CD2BP2: variants seen among roughly 807,000 people sequenced by gnomAD.
The protein encoded by CD2BP2 is CD2 cytoplasmic tail binding protein 2.
Under a neutral mutation model 35.9 loss-of-function variants are expected in CD2BP2, and 27 were observed. The ratio of observed to expected loss-of-function variants is 0.75; its 90% confidence interval spans 0.55 to 1.04. The LOEUF (loss-of-function observed/expected upper bound fraction) is 1.04. Ranked by LOEUF, CD2BP2 falls within the 50% of genes least tolerant of loss-of-function variation. The pLI is 0.00. For synonymous variants in CD2BP2, 213 were observed against 173.5 expected, an observed-to-expected ratio of 1.23 and a Z score of -1.79; for missense variants, 497 against 444.3, an observed-to-expected ratio of 1.12 and a Z score of -1.07.
Position 30,354,000 on chromosome 16 carries a change from C to T in CD2BP2, c.276G>A (p.Leu92=). The change falls in exon 4 of 7, where the codon CTG becomes CTA. Residue 92 remains leucine, a synonymous_variant. Coordinates refer to ENST00000305596, the MANE Select transcript of CD2BP2 (RefSeq NM_006110.3). ...EGGVRITPFN[L]QEEMEEGHFD... The stretch of plus-strand genomic sequence containing the variant: ...AGTGGCCTTCCTCCATCTCCTCCTG[C>T]AGGTTAAAGGGTGTGATCCGAACAC... 6.2e-7 allele frequency: 1 copy of T among 1,614,194 alleles called. No individual in the cohort carries two copies. Among genetic ancestry groups the T allele is most frequent in the Non-Finnish European group, 8.5e-7 (1 of 1,180,030 alleles).
Position 30,354,193 on chromosome 16 carries a change from C to T in CD2BP2, c.208G>A (p.Asp70Asn), listed in dbSNP as rs368576078. ...CTTGGGTACAGCTTACCTTCTACATCCTCTGAGGCCAAGATGTCATATTTG... is the reference window on the plus strand; with the variant it reads ...CTTGGGTACAGCTTACCTTCTACATTCTCTGAGGCCAAGATGTCATATTTG... The part of the protein sequence containing the change: ...SSKYDILASE[D>N]VEGQEAATLP... Residue 70 changes from aspartate (D) to asparagine (N), a missense_variant, in exon 3 of 7, where the codon GAT becomes AAT. Asp to Asn is a conservative substitution (Grantham distance 23). Transcript: ENST00000305596. 19 of 1,613,952 alleles carry T rather than the reference C, an allele frequency of 1.2e-5. No individual in the cohort carries two copies. The highest frequency in any genetic ancestry group is 2.2e-5 in the East Asian group (1 of 44,888).
In CD2BP2 at chr16:30,353,963, C is replaced by T; in HGVS notation, c.313G>A (p.Gly105Ser). 1 of 1,614,188 alleles carries T rather than the reference C, an allele frequency of 6.2e-7. No individual in the cohort carries two copies. The highest frequency in any genetic ancestry group is 8.5e-7 in the Non-Finnish European group (1 of 1,180,020). Residue 105 changes from glycine (G) to serine (S), a missense_variant, in exon 4 of 7, where the codon GGC becomes AGC. Physicochemically the swap from Gly to Ser is moderately conservative, Grantham distance 56. Coordinates refer to ENST00000305596, the MANE Select transcript of CD2BP2 (RefSeq NM_006110.3). ...GCATCCCGGTTCAGGAAGTAGTTGC[C>T]ATCGGCATCAAAGTGGCCTTCCTCC... ...EMEEGHFDAD[G>S]NYFLNRDAQI...
Position 30,354,159 on chromosome 16 carries a change from G to T in CD2BP2, c.217+25C>A, listed in dbSNP as rs766694225. ...GAGGCCCCTACTTGTTTTTCCAGCA[G>T]AGTGTATTCTTGGGTACAGCTTACC... On this transcript the variant is annotated intron_variant, in intron 3 of 6. Coordinates refer to ENST00000305596, the MANE Select transcript of CD2BP2 (RefSeq NM_006110.3). 17 of 1,613,618 alleles carry T rather than the reference G, an allele frequency of 1.1e-5. No individual in the cohort carries two copies. The South Asian group carries it at 1.9e-4, about 18-fold the overall frequency.
In CD2BP2 at chr16:30,354,622, G is replaced by A. The variant is rs976561159; in HGVS notation, c.60C>T (p.Ile20=). 6.2e-7 allele frequency: 1 copy of A among 1,613,742 alleles called. No individual in the cohort carries two copies. The highest frequency in any genetic ancestry group is 8.5e-7 in the Non-Finnish European group (1 of 1,179,924). The change falls in exon 2 of 7, where the codon ATC becomes ATT. Residue 20 remains isoleucine, a synonymous_variant. Coordinates refer to ENST00000305596, the MANE Select transcript of CD2BP2 (RefSeq NM_006110.3). ...CCCTCACCTTCTTCTTGGGGACAAT[G>A]ATTTCATCCTCATCCTCCTCATCTC... ...GVGDEEDEDE[I]IVPKKKLVDP...
chr16:30,353,102 G>A lies in CD2BP2; in HGVS notation c.916-7C>T, dbSNP rs778899928. ...AGCCTTCACTCACCCAGGTCTGCAA[G>A]GAGAGGGCAGAGCTGGGGAACAACT... On this transcript the variant is annotated splice_polypyrimidine_tract_variant and splice_region_variant and intron_variant, in intron 6 of 6. Transcript: ENST00000305596. 6.2e-7 allele frequency: 1 copy of A among 1,610,890 alleles called. No individual in the cohort carries two copies. Among genetic ancestry groups the A allele is most frequent in the African/African-American group, 1.3e-5 (1 of 74,858 alleles).
intron 3 of CD2BP2, 25 bp downstream of exon 3, chr16:30,354,157 CAG>C (rs772797252): frequency 1.9e-6 from 3 of 1,613,520 alleles, no homozygotes; most frequent in South Asian, 2.2e-5. Flanking sequence ...GTTTTTCCAG[CAG>C]AGTGTATTCT....
rs929384785 is a variant in CD2BP2 at position 30,352,770 on chromosome 16, T to C, written c.*215A>G. The C allele has an allele frequency of 3.1e-5, 18 of 580,170 alleles. No homozygotes were observed. The highest frequency in any genetic ancestry group is 2.6e-4 in the East Asian group (9 of 34,732). 35.9% of individuals were successfully genotyped at this position (580,170 alleles called of 1,614,324 possible). On this transcript the variant is annotated 3_prime_UTR_variant, in exon 7 of 7. Transcript: ENST00000305596. ...CCAAGAAGGATCTTCATGGGAGTACTCAGGGACCAAGACAAGTCCAAAGGG... is the reference window on the plus strand; with the variant it reads ...CCAAGAAGGATCTTCATGGGAGTACCCAGGGACCAAGACAAGTCCAAAGGG...
chr16:30,354,590 T>G lies in CD2BP2; in HGVS notation c.78+14A>C. 6.2e-7 allele frequency: 1 copy of G among 1,612,184 alleles called. No homozygotes were observed. Among genetic ancestry groups the G allele is most frequent in the Non-Finnish European group, 8.5e-7 (1 of 1,178,336 alleles). ...CTCCTCTTTCCCCCACACAAAGCAG[T>G]CTGGCCCCCTCACCTTCTTCTTGGG... On this transcript the variant is annotated intron_variant, in intron 2 of 6. Coordinates refer to ENST00000305596, the MANE Select transcript of CD2BP2 (RefSeq NM_006110.3).
At position 30,354,655 on chromosome 16, in the gene CD2BP2, T is replaced by C; in HGVS notation, c.27A>G (p.Gln9=). ...CCTCATCCTCCTCATCTCCCACGCC[T>C]TGGAAGGTCACTTTCCTCTTTGGCA... MPKRKVTF[Q]GVGDEEDEDE... Residue 9 remains glutamine (Q), a synonymous_variant, in exon 2 of 7, where the codon CAA becomes CAG. Transcript: ENST00000305596. The C allele has an allele frequency of 6.2e-7, 1 of 1,613,966 alleles. No individual in the cohort carries two copies. Among genetic ancestry groups the C allele is most frequent in the Non-Finnish European group, 8.5e-7 (1 of 1,179,998 alleles).
chr16:30,353,512 T>G lies in CD2BP2; in HGVS notation c.664A>C (p.Arg222=). 6.2e-7 allele frequency: 1 copy of G among 1,614,180 alleles called. No homozygotes were observed. ...TTCAGACGCATAGCCAACCGTTCCC[T>G]TGTTTCCTGGTACACACCAAGGTTG... ...RGNLGVYQET[R]ERLAMRLKGL... is the part of the protein sequence containing the mutation. Residue 222 remains arginine, a synonymous_variant, in exon 5 of 7, where the codon AGG becomes CGG. Transcript: ENST00000305596.
rs2049486903 is a variant in CD2BP2, at chr16:30,352,105, C to T, written c.*880G>A. The T allele has an allele frequency of 6.6e-6, 1 of 152,506 alleles. No individual in the cohort carries two copies. The highest frequency in any genetic ancestry group is 1.5e-5 in the Non-Finnish European group (1 of 68,240). 9.4% of individuals were successfully genotyped at this position (152,506 alleles called of 1,614,324 possible). A position where few individuals can be genotyped will look rare whatever the true frequency, so the allele number is the denominator to read the frequency against. ...TGGAAGGGGACCAACCCAGCTACCT[C>T]AGTTTCCTCAAGGCACTAGCCCTGT... is the stretch of plus-strand genomic sequence containing the variant. On this transcript the variant is annotated 3_prime_UTR_variant, in exon 7 of 7. Transcript: ENST00000305596.
rs2049522564 is a variant in CD2BP2 at position 30,354,886 on chromosome 16, C to T, written c.-26-179G>A. 3 of 589,534 alleles carry T rather than the reference C, an allele frequency of 5.1e-6. No individual in the cohort carries two copies. The East Asian group carries it at 8.7e-5, about 17-fold the overall frequency. 36.5% of individuals were successfully genotyped at this position (589,534 alleles called of 1,614,324 possible). On this transcript the variant is annotated intron_variant, in intron 1 of 6. Transcript: ENST00000305596. ...GCCTCCAGGACTTGGGTCTAGCATCCGCGAGTTAAACGGGGCGGGGACGGA... is the reference window on the plus strand; with the variant it reads ...GCCTCCAGGACTTGGGTCTAGCATCTGCGAGTTAAACGGGGCGGGGACGGA...
rs2049501085 is a variant in CD2BP2 at position 30,353,398 on chromosome 16, G to A, written c.778C>T (p.Leu260=). The part of the protein sequence containing the change: ...MFAEELAEEE[L]ETPTPTQRGE... ...CTCTGGGTAGGGGTTGGGGTCTCCAGTTCCTCCTCCGCCAACTCCTCAGCG... is the reference window on the plus strand; with the variant it reads ...CTCTGGGTAGGGGTTGGGGTCTCCAATTCCTCCTCCGCCAACTCCTCAGCG... The change falls in exon 5 of 7, where the codon CTG becomes TTG. Residue 260 remains leucine (L), a synonymous_variant. Transcript: ENST00000305596. 2 of 1,613,966 alleles carry A rather than the reference G, an allele frequency of 1.2e-6. No homozygotes were observed. The highest frequency in any genetic ancestry group is 2.7e-5 in the African/African-American group (2 of 74,904).
Position 30,353,223 on chromosome 16 carries a change from C to T in CD2BP2, c.873G>A (p.Gly291=), listed in dbSNP as rs200560786. ...VMWEYKWENT[G]DAELYGPFTS... Reference sequence around the variant, plus strand: ...TGAAGGGCCCATACAGCTCGGCATCCCCCGTGTTCTCCCACTTATATTCCC... The same window carrying T: ...TGAAGGGCCCATACAGCTCGGCATCTCCCGTGTTCTCCCACTTATATTCCC... The change falls in exon 6 of 7, where the codon GGG becomes GGA. Residue 291 remains glycine, a synonymous_variant. Transcript: ENST00000305596. The T allele has an allele frequency of 2.5e-6, 4 of 1,614,156 alleles. No homozygotes were observed. In the African/African-American group the frequency reaches 5.3e-5, roughly 22 times the overall value.
Position 30,352,931 on chromosome 16 carries a change from C to T in CD2BP2, c.*54G>A, listed in dbSNP as rs1434190660. ...CCTCGCTGCCTGAGACACTTGGTGC[C>T]TCCTCCACAAAGTCCAGGAAAGAAG... is the stretch of plus-strand genomic sequence containing the variant. On this transcript the variant is annotated 3_prime_UTR_variant, in exon 7 of 7. Transcript: ENST00000305596. 1 of 1,120,872 alleles carries T rather than the reference C, an allele frequency of 8.9e-7. No individual in the cohort carries two copies. Among genetic ancestry groups the T allele is most frequent in the South Asian group, 1.2e-5 (1 of 80,958 alleles). 69.4% of individuals were successfully genotyped at this position (1,120,872 alleles called of 1,614,324 possible). A position where few individuals can be genotyped will look rare whatever the true frequency, so the allele number is the denominator to read the frequency against.
At position 30,353,522 on chromosome 16, in the gene CD2BP2, G is replaced by T; in HGVS notation, c.654C>A (p.Tyr218Ter). The change falls in exon 5 of 7, where the codon TAC (tyrosine) becomes TAA (stop). Residue 218 changes from tyrosine to a stop codon, truncating the protein, a stop_gained. Coordinates refer to ENST00000305596, the MANE Select transcript of CD2BP2 (RefSeq NM_006110.3). LOFTEE classifies it high-confidence loss of function. ...TAGCCAACCGTTCCCTTGTTTCCTG[G>T]TACACACCAAGGTTGCCCCGGGCCA... ...QMVARGNLGVYQETRERLAMR... is the reference protein window; with the variant it reads ...QMVARGNLGV 1 of 1,614,142 alleles carries T rather than the reference G, an allele frequency of 6.2e-7. No homozygotes were observed. The highest frequency in any genetic ancestry group is 1.1e-5 in the South Asian group (1 of 91,090).
rs775738150 is a variant in CD2BP2 at position 30,353,887 on chromosome 16, C to G, written c.375+14G>C. Reference sequence around the variant, plus strand: ...CACTCCCAGGCCCCAGCCACGCCAGCCCCTGGGCCGCACCCAGTCAATGTT... The same window carrying G: ...CACTCCCAGGCCCCAGCCACGCCAGGCCCTGGGCCGCACCCAGTCAATGTT... On this transcript the variant is annotated intron_variant, in intron 4 of 6. Transcript: ENST00000305596. 24 of 1,613,318 alleles carry G rather than the reference C, an allele frequency of 1.5e-5. No individual in the cohort carries two copies. The highest frequency in any genetic ancestry group is 1.9e-5 in the Non-Finnish European group (22 of 1,179,886).
rs763727028 is a variant in CD2BP2, at chr16:30,354,305, A to T, written c.96T>A (p.Ala32=). The T allele has an allele frequency of 6.2e-7, 1 of 1,613,850 alleles. No individual in the cohort carries two copies. The highest frequency in any genetic ancestry group is 1.3e-5 in the African/African-American group (1 of 74,984). ...VPKKKLVDPV[A]GSGGPGSRFK... ...AGCGGCTCCCAGGACCCCCTGACCC[A>T]GCCACAGGGTCCACCAGCTGTGAGC... The change falls in exon 3 of 7, where the codon GCT becomes GCA. Residue 32 remains alanine, a synonymous_variant. Coordinates refer to ENST00000305596, the MANE Select transcript of CD2BP2 (RefSeq NM_006110.3).
At position 30,355,251 on chromosome 16, in the gene CD2BP2, T is replaced by C. The variant is rs1369194555; in HGVS notation, c.-66A>G. ...AAGGCGAGGTGGAAAAAAGAAGAGA[T>C]GCTTGCGCCAGGGCTACATCCGGGG... On this transcript the variant is annotated 5_prime_UTR_variant, in exon 1 of 7. Coordinates refer to ENST00000305596, the MANE Select transcript of CD2BP2 (RefSeq NM_006110.3). 1 of 152,552 alleles carries C rather than the reference T, an allele frequency of 6.6e-6. No homozygotes were observed. Among genetic ancestry groups the C allele is most frequent in the African/African-American group, 2.4e-5 (1 of 41,452 alleles). The allele number at this position is 152,552 out of a possible 1,614,324, so 9.4% of individuals were successfully genotyped here.
Sources: gnomAD v4.1 joint callset for allele counts on GRCh38, gnomAD v4.1.1 for gene constraint, MANE v1.5 for transcripts, NCBI Gene and HGNC (gene_info 2026-07-23, HGNC 2026-07-21) for gene names.